The following SYN2 variants were observed in gnomAD, a reference collection of about 807,000 sequenced individuals.
SYN2 encodes the protein synapsin-2.
In SYN2, 19 loss-of-function variants were observed where a neutral mutation model predicts 50.9. That is an observed-to-expected ratio of 0.37 (90% CI 0.26 to 0.55). The LOEUF is 0.55. SYN2 is among the 20% of genes least tolerant of loss of function. SYN2 has a pLI of 0.81. For missense variants in SYN2, 587 were observed against 576.4 expected (o/e 1.02, Z -0.19); for synonymous variants, 255 against 224.9 (o/e 1.13, Z -1.20).
At position 12,145,914 on chromosome 3, in the gene SYN2, G is replaced by A. The variant is rs1697140198; in HGVS notation, c.684+79G>A. On this transcript the variant is annotated intron_variant, in intron 4 of 12. Transcript: ENST00000621198. Reference sequence around the variant, plus strand: ...TCCCAGGTCCCTAGCAGGGACTCAAGATGCAGTAGGCCCCAGCCCCAGGAG... The same window carrying A: ...TCCCAGGTCCCTAGCAGGGACTCAAAATGCAGTAGGCCCCAGCCCCAGGAG... 1.9e-6 allele frequency: 3 copies of A among 1,579,220 alleles called. No individual in the cohort carries two copies. In the South Asian group the frequency reaches 3.5e-5, roughly 18 times the overall value.
At chr3:12,182,803 G>C (rs890094957) in intron 10 of SYN2, among the ~76,000 whole-genome samples, 1 of 152,224 alleles carries the variant, frequency 6.6e-6, no homozygotes. Flanking sequence ...CACTAGGTCC[G>C]GCTGGGCGCA....
chr3:12,184,228 G>T, intron 11 of SYN2: 1 of 985,766 alleles, frequency 1.0e-6, no homozygotes, highest in South Asian at 4.7e-5. Flanking sequence ...TAAAAAATGG[G>T]GCCGCTGATG....
At chr3:12,120,722 T>C (rs1203327262) in intron 1 of SYN2, among the ~76,000 whole-genome samples, 4 of 152,298 alleles carry the variant, frequency 2.6e-5, no homozygotes, top group East Asian at 1.9e-4. Flanking sequence ...TCTCAACCTC[T>C]ATCCTAGGAG....
intron 1 of SYN2, among the ~76,000 whole-genome samples, chr3:12,045,631 T>G (rs1287683521): frequency 6.6e-6 from 1 of 152,182 alleles, no homozygotes; most frequent in Non-Finnish European, 1.5e-5. Context: ...ACAATTAATC[T>G]TCCCATATCT....
At chr3:12,040,794 CAG>C (rs1237746306) in intron 1 of SYN2, among the ~76,000 whole-genome samples, 6 of 152,100 alleles carry the variant, frequency 3.9e-5, no homozygotes, top group Admixed American at 3.9e-4. Flanking sequence ...GACTAAGTCT[CAG>C]TGAGGAACTA....
intron 1 of SYN2, among the ~76,000 whole-genome samples, chr3:12,097,279 A>G (rs1051334862): frequency 2.6e-5 from 4 of 152,212 alleles, no homozygotes; most frequent in Admixed American, 6.5e-5. Context: ...AACCAGCCCA[A>G]ATGTCCATCA....
chr3:12,131,867 G>C (rs552635761), intron 1 of SYN2, among the ~76,000 whole-genome samples: 120 of 152,240 alleles, frequency 7.9e-4, no homozygotes, highest in African/African-American at 2.5e-3. Flanking sequence ...ACATAAGGCT[G>C]TTGAAGCCTC....
At chr3:12,079,398 T>C (rs903306440) in intron 1 of SYN2, among the ~76,000 whole-genome samples, 9 of 152,208 alleles carry the variant, frequency 5.9e-5, no homozygotes, top group Non-Finnish European at 1.3e-4. Context: ...AGGGGAATGC[T>C]TACAGCTTTT....
At chr3:12,188,813 C>A (rs897928415) in intron 12 of SYN2, among the ~76,000 whole-genome samples, 1 of 152,172 alleles carries the variant, frequency 6.6e-6, no homozygotes, top group Non-Finnish European at 1.5e-5. Flanking sequence ...TTCAGCCCAG[C>A]TGTTTCCTGC....
chr3:12,173,940 C>G (rs1197933201), intron 10 of SYN2, among the ~76,000 whole-genome samples: 1 of 152,132 alleles, frequency 6.6e-6, no homozygotes, highest in African/African-American at 2.4e-5. Context: ...GTCACTGAGT[C>G]CAGTGGTCAC....
intron 1 of SYN2, among the ~76,000 whole-genome samples, chr3:12,014,147 A>G (rs1693973158): frequency 6.6e-6 from 1 of 152,080 alleles, no homozygotes; most frequent in Non-Finnish European, 1.5e-5. Context: ...CTGCTTCCCC[A>G]CTAGATAGTG....
At chr3:12,066,701 AC>A (rs942421933) in intron 1 of SYN2, among the ~76,000 whole-genome samples, 2 of 152,202 alleles carry the variant, frequency 1.3e-5, no homozygotes, top group Non-Finnish European at 2.9e-5. Context: ...CATGGTACTC[AC>A]ATTCAGAACA....
chr3:12,099,770 C>CTGGCTAACACGA (rs1696024987), intron 1 of SYN2, among the ~76,000 whole-genome samples: 1 of 151,942 alleles, frequency 6.6e-6, no homozygotes, highest in South Asian at 2.1e-4. Flanking sequence ...CGAGACCATC[C>CTGGCTAACACGA]TGGCTAACAC....
At chr3:12,066,368 A>G (rs1189360858) in intron 1 of SYN2, among the ~76,000 whole-genome samples, 1 of 152,206 alleles carries the variant, frequency 6.6e-6, no homozygotes, top group Admixed American at 6.5e-5. Context: ...AGCTGTTTCA[A>G]TGTCAGAAGT....
intron 1 of SYN2, among the ~76,000 whole-genome samples, chr3:12,039,031 A>G (rs1305413865): frequency 6.6e-6 from 1 of 152,102 alleles, no homozygotes; most frequent in East Asian, 1.9e-4. Context: ...TTATAATGTT[A>G]ACTGTGGTTT....
intron 1 of SYN2, among the ~76,000 whole-genome samples, chr3:12,132,955 ATG>A (rs1379536142): frequency 2.0e-5 from 3 of 152,150 alleles, no homozygotes; most frequent in African/African-American, 7.2e-5. Context: ...TTTCCCCTGA[ATG>A]TGTTTTCTTA....
intron 1 of SYN2, among the ~76,000 whole-genome samples, chr3:12,133,432 G>A (rs1001090371): frequency 2.0e-5 from 3 of 152,184 alleles, no homozygotes; most frequent in Admixed American, 1.3e-4. Context: ...TCTTATTTAT[G>A]TCTCTGTTCC....
chr3:12,131,754 G>A (rs935934539), intron 1 of SYN2, among the ~76,000 whole-genome samples: 6 of 151,936 alleles, frequency 3.9e-5, no homozygotes, highest in Non-Finnish European at 8.8e-5. Flanking sequence ...CAGAAAAAGT[G>A]ATTTGCTGTT....
intron 1 of SYN2, among the ~76,000 whole-genome samples, chr3:12,055,424 C>T (rs192272267): frequency 2.6e-5 from 4 of 151,998 alleles, no homozygotes; most frequent in Admixed American, 2.0e-4. Context: ...TGAATGAGCT[C>T]CATTTTGTGA....
Sources: allele counts gnomAD v4.1 joint callset (sites outside exome capture counted in the v4.1 genomes callset), GRCh38; gene constraint gnomAD v4.1.1; transcripts MANE v1.5; gene names NCBI Gene and HGNC (gene_info 2026-07-23, HGNC 2026-07-21).